Variants in RANBP2 observed in about 807,000 individuals in gnomAD.
The protein encoded by RANBP2 is RAN binding protein 2.
RANBP2 carries 57 observed loss-of-function variants against 303.6 expected under a neutral mutation model. That is an observed-to-expected ratio of 0.19 (90% CI 0.15 to 0.23). The LOEUF is 0.23. RANBP2 is among the 10% of genes least tolerant of loss of function. The pLI, the probability that RANBP2 is intolerant of heterozygous loss-of-function variation, is 1.00. For missense variants in RANBP2, 3,138 were observed against 3,780.8 expected (o/e 0.83, Z 4.46); for synonymous variants, 1,167 against 1,301.5 (o/e 0.90, Z 2.23).
At chr2:109,590,760 T>C in the RANBP2 span, among the ~76,000 whole-genome samples, 5 of 152,184 alleles carry the variant, frequency 3.3e-5, no homozygotes. Flanking sequence ...GCCTGGGCAC[T>C]TCCTGGCCAA....
At chr2:108,849,300 TA>T in the RANBP2 span, among the ~76,000 whole-genome samples, 1 of 152,192 alleles carries the variant, frequency 6.6e-6, no homozygotes, top group African/African-American at 2.4e-5. Flanking sequence ...TTTCAAGACA[TA>T]ATGGCTCCAA....
At chr2:108,901,617 T>G in the RANBP2 span, among the ~76,000 whole-genome samples, 1 of 152,176 alleles carries the variant, frequency 6.6e-6, no homozygotes, top group Non-Finnish European at 1.5e-5. Context: ...AAGCAGGAGA[T>G]ATCACTATAC....
chr2:109,424,229 G>A, the RANBP2 span, among the ~76,000 whole-genome samples: 1 of 152,178 alleles, frequency 6.6e-6, no homozygotes, highest in Non-Finnish European at 1.5e-5. Context: ...TTTCCCCATT[G>A]GAAGTGAGCC....
At chr2:109,139,648 A>T in the RANBP2 span, among the ~76,000 whole-genome samples, 2 of 152,206 alleles carry the variant, frequency 1.3e-5, no homozygotes, top group African/African-American at 4.8e-5. Flanking sequence ...GTGTACAGTA[A>T]CAAGAGTTTT....
chr2:109,288,838 C>G, the RANBP2 span, among the ~76,000 whole-genome samples: 1 of 151,648 alleles, frequency 6.6e-6, no homozygotes, highest in African/African-American at 2.4e-5. Context: ...TTCTGGAAAT[C>G]TTTATGCCCA....
the RANBP2 span, among the ~76,000 whole-genome samples, chr2:108,900,723 T>G: frequency 9.6e-4 from 146 of 152,234 alleles, no homozygotes; most frequent in African/African-American, 3.3e-3. Context: ...GAAAAATACA[T>G]ATCATGCAAA....
At chr2:109,694,801 A>G in the RANBP2 span, among the ~76,000 whole-genome samples, 4 of 146,332 alleles carry the variant, frequency 2.7e-5, no homozygotes, top group East Asian at 2.0e-4. Context: ...ATCCATAGGG[A>G]TGTGTGTGTG....
chr2:109,437,229 GGCTCCA>G, the RANBP2 span: 1 of 1,490,356 alleles, frequency 6.7e-7, no homozygotes, highest in Non-Finnish European at 9.0e-7. Context: ...CTTGGCCCAA[GGCTCCA>G]GCAGTGCATG....
At chr2:109,087,194 G>A in the RANBP2 span, among the ~76,000 whole-genome samples, 2 of 152,172 alleles carry the variant, frequency 1.3e-5, no homozygotes, top group South Asian at 4.1e-4. Context: ...GGAGCTGGAC[G>A]TGGCCATTGC....
intron 2 of RANBP2, among the ~76,000 whole-genome samples, chr2:108,730,050 A>G (rs1479304193): frequency 5.3e-5 from 8 of 151,054 alleles, no homozygotes; most frequent in Admixed American, 4.6e-4. Flanking sequence ...ATCCAAAGGA[A>G]GATGGAAATG....
At chr2:109,458,599 A>AGAGAGAGAGAGAGAGAGAGAGAGG in the RANBP2 span, among the ~76,000 whole-genome samples, 1 of 150,484 alleles carries the variant, frequency 6.6e-6, no homozygotes, top group African/African-American at 2.5e-5. Flanking sequence ...AGAGAGAGAG[A>AGAGAGAGAGAGAGAGAGAGAGAGG]GAATTTATTT....
the RANBP2 span, among the ~76,000 whole-genome samples, chr2:109,556,598 T>G: frequency 1.3e-5 from 2 of 152,278 alleles, no homozygotes; most frequent in East Asian, 3.9e-4. Context: ...AGACATCACA[T>G]GTCTCACACC....
the RANBP2 span, among the ~76,000 whole-genome samples, chr2:109,235,613 GTTGT>G: frequency 2.0e-5 from 3 of 152,234 alleles, no homozygotes; most frequent in Non-Finnish European, 4.4e-5. Context: ...CTCGAAGGCT[GTTGT>G]TTGTTTGTTT....
chr2:109,442,139 G>A, the RANBP2 span, among the ~76,000 whole-genome samples: 44 of 152,004 alleles, frequency 2.9e-4, no homozygotes, highest in East Asian at 1.7e-3. Flanking sequence ...GTGAAACCCC[G>A]TCTCTACTAA....
chr2:109,724,892 C>T, the RANBP2 span, among the ~76,000 whole-genome samples: 4 of 152,268 alleles, frequency 2.6e-5, no homozygotes, highest in African/African-American at 9.6e-5. Flanking sequence ...CGGGTCTGGG[C>T]ACCCTACCCC....
the RANBP2 span, among the ~76,000 whole-genome samples, chr2:109,468,697 T>C: frequency 6.6e-6 from 1 of 150,924 alleles, no homozygotes; most frequent in Admixed American, 6.6e-5. Context: ...CTATTAAAAA[T>C]AAAAAAATGA....
downstream of RANBP2, chr2:108,786,780 A>T (rs1427625181): frequency 3.9e-6 from 6 of 1,531,316 alleles, no homozygotes; most frequent in Non-Finnish European, 5.3e-6. Context: ...CGCGGGTTTG[A>T]TGAACGCGGT....
intron 4 of RANBP2, among the ~76,000 whole-genome samples, chr2:108,734,384 T>A (rs1310923107): frequency 2.0e-5 from 3 of 152,144 alleles, no homozygotes; most frequent in African/African-American, 7.2e-5. Flanking sequence ...AAATGGTATT[T>A]TGTTTTAGGC....
the RANBP2 span, among the ~76,000 whole-genome samples, chr2:109,426,520 T>C: frequency 6.6e-6 from 1 of 152,192 alleles, no homozygotes; most frequent in Non-Finnish European, 1.5e-5. Context: ...TGCTGCAATC[T>C]TATGAGAAAA....
Sources: gnomAD v4.1 joint callset for allele counts (sites outside exome capture counted in the v4.1 genomes callset) on GRCh38, gnomAD v4.1.1 for gene constraint, MANE v1.5 for transcripts, NCBI Gene and HGNC (gene_info 2026-07-23, HGNC 2026-07-21) for gene names.